The following ATXN7 variants were observed in gnomAD, a reference collection of about 807,000 sequenced individuals.
The protein encoded by ATXN7 is ataxin 7, also known as ataxin-7.
ATXN7 carries 12 observed loss-of-function variants against 70.5 expected under a neutral mutation model. The observed-to-expected ratio is 0.17, with a 90% CI of 0.11 to 0.28. The LOEUF (loss-of-function observed/expected upper bound fraction) is 0.28. Ranked by LOEUF, ATXN7 falls within the 10% of genes least tolerant of loss-of-function variation. ATXN7 has a pLI of 1.00. For missense variants in ATXN7, 1,256 were observed against 1,131.7 expected (o/e 1.11, Z -1.58); for synonymous variants, 498 against 448.7 (o/e 1.11, Z -1.39).
intron 1 of ATXN7, among the ~76,000 whole-genome samples, chr3:63,882,225 C>T (rs781554260): frequency 6.6e-6 from 1 of 152,122 alleles, no homozygotes; most frequent in Non-Finnish European, 1.5e-5. Context: ...GTTACTTCAC[C>T]TCTCTAGCCT....
chr3:63,871,295 ATTGT>A (rs2107200198), intron 1 of ATXN7, among the ~76,000 whole-genome samples: 1 of 152,334 alleles, frequency 6.6e-6, no homozygotes, highest in East Asian at 1.9e-4. Context: ...AATTTAAAAA[ATTGT>A]TTGCCATTTT....
At chr3:63,933,928 T>G (rs2074609398) in intron 4 of ATXN7, among the ~76,000 whole-genome samples, 1 of 152,146 alleles carries the variant, frequency 6.6e-6, no homozygotes, top group Admixed American at 6.5e-5. Context: ...GTTTTTTTTT[T>G]TCCTAAATTA....
chr3:63,960,342 C>T (rs964561640), intron 5 of ATXN7, among the ~76,000 whole-genome samples: 1 of 152,162 alleles, frequency 6.6e-6, no homozygotes, highest in Non-Finnish European at 1.5e-5. Context: ...CTGGGCCCTG[C>T]AAGCCATGAG....
intron 11 of ATXN7, among the ~76,000 whole-genome samples, chr3:63,993,857 C>T: frequency 6.6e-6 from 1 of 152,134 alleles, no homozygotes; most frequent in East Asian, 1.9e-4. Flanking sequence ...TCATTTAGAG[C>T]AGGGCTTCTG....
intron 4 of ATXN7, among the ~76,000 whole-genome samples, chr3:63,924,708 G>A (rs756558779): frequency 6.6e-6 from 1 of 152,158 alleles, no homozygotes; most frequent in Non-Finnish European, 1.5e-5. Flanking sequence ...CCTTAATCTG[G>A]AGAGTTGGGG....
chr3:63,988,350 TC>T, intron 9 of ATXN7, 26 bp downstream of exon 9: 6 of 1,612,996 alleles, frequency 3.7e-6, no homozygotes, highest in Non-Finnish European at 5.1e-6. Context: ...CAACTCTTTC[TC>T]CCACCTTCAG....
chr3:63,995,768 C>T lies in ATXN7; in HGVS notation c.1946C>T (p.Ser649Leu), dbSNP rs149357581. ...CSMQSRQVSS[S>L]SSSPSTPSGL... The stretch of plus-strand genomic sequence containing the variant: ...ATGCAATCCAGACAAGTGTCCTCTT[C>T]ATCCTCATCCCCTTCCACGCCCTCT... Residue 649 changes from serine (S) to leucine (L), a missense_variant, in exon 12 of 13, where the codon TCA becomes TTA. Ser to Leu is a moderately radical substitution (Grantham distance 145). Transcript: ENST00000674280. The T allele has an allele frequency of 8.8e-4, 1,419 of 1,614,212 alleles. 12 individuals carry two copies. In the African/African-American group the frequency reaches 0.016, roughly 18 times the overall value.
chr3:63,863,606 C>T (rs1702294583), upstream of ATXN7: 4 of 1,194,600 alleles, frequency 3.3e-6, no homozygotes, highest in Admixed American at 4.5e-5. Context: ...AGGGAAGCAG[C>T]CGGGGAGGCC....
In ATXN7 at chr3:63,990,341, T is replaced by C. The variant is rs747766203; in HGVS notation, c.1527T>C (p.Cys509=). 3 of 1,613,950 alleles carry C rather than the reference T, an allele frequency of 1.9e-6. No individual in the cohort carries two copies. In the Admixed American group the frequency reaches 5.0e-5, roughly 27 times the overall value. Residue 509 remains cysteine (C), a synonymous_variant, in exon 10 of 13, where the codon TGT becomes TGC. Transcript: ENST00000674280. ...AAGAGTCTGTTGAAAAACTGGACTG[T>C]CATTATTCAGGTCATCATCCTCAGC... ...DKEESVEKLD[C]HYSGHHPQPA... is the part of the protein sequence containing the mutation.
rs2106816776 is a variant in ATXN7, at chr3:63,999,802, C to G, written c.*335C>G. The G allele has an allele frequency of 2.2e-6, 1 of 458,854 alleles. No individual in the cohort carries two copies. Among genetic ancestry groups the G allele is most frequent in the South Asian group, 3.0e-5 (1 of 33,224 alleles). The allele number at this position is 458,854 out of a possible 1,614,324, so 28.4% of individuals were successfully genotyped here. On this transcript the variant is annotated 3_prime_UTR_variant, in exon 13 of 13. Transcript: ENST00000674280. Reference sequence around the variant, plus strand: ...TGCAGTATATCACAGAGCCACTCTTCAAGTAGATTGGCTGGGCAAAAGAAT... The same window carrying G: ...TGCAGTATATCACAGAGCCACTCTTGAAGTAGATTGGCTGGGCAAAAGAAT...
intron 4 of ATXN7, among the ~76,000 whole-genome samples, chr3:63,917,469 T>TAA: frequency 6.6e-6 from 1 of 152,338 alleles, no homozygotes; most frequent in East Asian, 1.9e-4. Context: ...ATAAAAACTT[T>TAA]AAATGCCTTA....
chr3:64,000,670 G>GT lies in ATXN7; in HGVS notation c.*1204dup, dbSNP rs925525395. The GT allele has an allele frequency of 2.6e-5, 4 of 152,288 alleles. No homozygotes were observed. Among genetic ancestry groups the GT allele is most frequent in the South Asian group, 2.1e-4 (1 of 4,824 alleles). 9.4% of individuals were successfully genotyped at this position (152,288 alleles called of 1,614,324 possible). A position where few individuals can be genotyped will look rare whatever the true frequency, so the allele number is the denominator to read the frequency against. On this transcript the variant is annotated 3_prime_UTR_variant, in exon 13 of 13. Transcript: ENST00000674280. Reference sequence around the variant, plus strand: ...CCAAGGAAAGGGAGTTGGAGAGAATGTAAGTCCTGACCTGAAGGTCTTTTG... The same window carrying GT: ...CCAAGGAAAGGGAGTTGGAGAGAATGTTAAGTCCTGACCTGAAGGTCTTTTG...
intron 12 of ATXN7, chr3:63,997,699 T>A: frequency 6.4e-7 from 1 of 1,551,438 alleles, no homozygotes; most frequent in Non-Finnish European, 8.7e-7. Context: ...TGAGGCTCTT[T>A]TTCATGATTT....
chr3:63,913,105 T>A (rs1704122189), intron 3 of ATXN7, 52 bp from the exon 4 acceptor site: 1 of 1,573,582 alleles, frequency 6.4e-7, no homozygotes, highest in Non-Finnish European at 8.7e-7. Context: ...TGCGTCACAC[T>A]CCTGGCCACT....
chr3:63,992,552 T>C (rs1249153766), intron 11 of ATXN7, among the ~76,000 whole-genome samples: 2 of 152,192 alleles, frequency 1.3e-5, no homozygotes, highest in Non-Finnish European at 2.9e-5. Flanking sequence ...CCACATTATG[T>C]TGGTATGTGG....
At chr3:63,873,440 C>G (rs2107205188) in intron 1 of ATXN7, among the ~76,000 whole-genome samples, 1 of 152,264 alleles carries the variant, frequency 6.6e-6, no homozygotes, top group South Asian at 2.1e-4. Context: ...ATCCCACTTT[C>G]TACTGAGAGT....
intron 1 of ATXN7, among the ~76,000 whole-genome samples, chr3:63,874,499 C>T (rs1018357352): frequency 2.6e-5 from 4 of 152,158 alleles, no homozygotes; most frequent in African/African-American, 7.2e-5. Flanking sequence ...AGCATTTGCA[C>T]GTATGTTCTC....
At chr3:63,967,967 C>G in intron 5 of ATXN7, 1 of 1,535,826 alleles carries the variant, frequency 6.5e-7, no homozygotes, top group South Asian at 1.2e-5. Flanking sequence ...GAGCTGAAAG[C>G]TCCACTGGGT....
chr3:63,982,594 C>G (rs922358558), intron 7 of ATXN7, 149 bp downstream of exon 7: 1 of 735,664 alleles, frequency 1.4e-6, no homozygotes, highest in African/African-American at 1.9e-5. Context: ...TATGTTTGTT[C>G]TTTTCACTCT....
Sources: gnomAD v4.1 joint callset for allele counts (sites outside exome capture counted in the v4.1 genomes callset) on GRCh38, gnomAD v4.1.1 for gene constraint, MANE v1.5 for transcripts, NCBI Gene and HGNC (gene_info 2026-07-23, HGNC 2026-07-21) for gene names.